The following INSL6 variants were observed in gnomAD, a reference collection of about 807,000 sequenced individuals.
INSL6 encodes the protein insulin like 6.
Under a neutral mutation model 9.4 loss-of-function variants are expected in INSL6, and 16 were observed. The ratio of observed to expected loss-of-function variants is 1.70; its 90% CI spans 1.15 to 2.59. The LOEUF is 2.59. INSL6 is among the 30% of genes most tolerant of loss of function. INSL6 has a pLI of 0.00. For synonymous variants in INSL6, 154 were observed against 96.9 expected (o/e 1.59, Z -3.46); for missense variants, 391 against 257.3 (o/e 1.52, Z -3.56).
At chr9:5,134,029 C>A (rs568414727) in intron 2 of INSL6, among the ~76,000 whole-genome samples, 1 of 152,068 alleles carries the variant, frequency 6.6e-6, no homozygotes, top group Admixed American at 6.6e-5. Context: ...AAAAACAGCA[C>A]GAGAACTTCA....
the INSL6 span, among the ~76,000 whole-genome samples, chr9:5,057,424 C>A: frequency 2.0e-5 from 3 of 151,908 alleles, no homozygotes; most frequent in African/African-American, 7.2e-5. Flanking sequence ...AGCATCTTAA[C>A]CATTTTTAAG....
At chr9:5,039,579 AT>A in the INSL6 span, among the ~76,000 whole-genome samples, 1 of 152,154 alleles carries the variant, frequency 6.6e-6, no homozygotes, top group East Asian at 1.9e-4. Context: ...GATCTTGCAT[AT>A]TAAAAATCCT....
chr9:5,044,793 A>G, the INSL6 span, among the ~76,000 whole-genome samples: 6 of 152,184 alleles, frequency 3.9e-5, no homozygotes, highest in East Asian at 1.9e-4. Context: ...GGATTTCGCA[A>G]AGTATAGACT....
chr9:5,018,085 A>G, the INSL6 span, among the ~76,000 whole-genome samples: 40 of 152,122 alleles, frequency 2.6e-4, no homozygotes, highest in Non-Finnish European at 5.0e-4. Context: ...AGTTTAATCT[A>G]TTTACATTCA....
the INSL6 span, among the ~76,000 whole-genome samples, chr9:5,062,500 TAAAAAAAAAAAAAAAAA>T: frequency 0.4 from 23,548 of 59,160 alleles, 2,575 homozygotes; most frequent in Middle Eastern, 0.49. Flanking sequence ...CTTCCATTTG[TAAAAAAAAAAAAAAAAA>T]AAAAAAAAAA....
the INSL6 span, among the ~76,000 whole-genome samples, chr9:4,999,016 G>T: frequency 6.6e-6 from 1 of 151,638 alleles, no homozygotes; most frequent in East Asian, 1.9e-4. Context: ...CAGTAGAGAC[G>T]GGGTTTCACC....
chr9:5,075,438 T>C, the INSL6 span, among the ~76,000 whole-genome samples: 1 of 152,200 alleles, frequency 6.6e-6, no homozygotes, highest in Non-Finnish European at 1.5e-5. Context: ...CATTGGTGAT[T>C]TGAAATTCAA....
the INSL6 span, among the ~76,000 whole-genome samples, chr9:5,115,209 A>G: frequency 6.6e-6 from 1 of 152,180 alleles, no homozygotes; most frequent in African/African-American, 2.4e-5. Context: ...AACTTAAACA[A>G]GTTCACAAGA....
At chr9:5,060,251 T>G in the INSL6 span, among the ~76,000 whole-genome samples, 26 of 152,332 alleles carry the variant, frequency 1.7e-4, no homozygotes, top group African/African-American at 6.0e-4. Context: ...CCGATCAGTG[T>G]GGTGGCTGCT....
At position 5,133,158 on chromosome 9, in the gene INSL6, A is replaced by G. The variant is rs562392254; in HGVS notation, c.*10+267T>C. ...AGTACATAAACAGATATGCAGTGATATTAGAGTGTCATGGTAGAGGAAATT... is the reference window on the plus strand; with the variant it reads ...AGTACATAAACAGATATGCAGTGATGTTAGAGTGTCATGGTAGAGGAAATT... On this transcript the variant is annotated intron_variant, in intron 3 of 3. Coordinates refer to the INSL6 transcript ENST00000649639. 8.5e-5 allele frequency among the ~76,000 whole-genome samples: 13 copies of G among 152,248 alleles called. No individual in the cohort carries two copies. The East Asian group carries it at 1.7e-3, about 20-fold the overall frequency.
chr9:5,108,854 C>T, the INSL6 span: 13 of 152,102 alleles, frequency 8.5e-5, no homozygotes, highest in Admixed American at 7.2e-4. Context: ...TTACAGGTGC[C>T]GTCACCCTTA....
At chr9:5,178,617 G>A (rs1159303874) in intron 1 of INSL6, among the ~76,000 whole-genome samples, 1 of 152,150 alleles carries the variant, frequency 6.6e-6, no homozygotes, top group Non-Finnish European at 1.5e-5. Context: ...ATACTACAAG[G>A]CTACAGTAAC....
chr9:5,037,393 A>C, the INSL6 span, among the ~76,000 whole-genome samples: 33,961 of 151,846 alleles, frequency 0.22, 4,354 homozygotes, highest in South Asian at 0.31. Context: ...TGCTGCTATA[A>C]AGACACATGC....
downstream of INSL6, among the ~76,000 whole-genome samples, chr9:5,160,551 A>G (rs1446735970): frequency 6.6e-6 from 1 of 152,168 alleles, no homozygotes; most frequent in Non-Finnish European, 1.5e-5. Flanking sequence ...CTAGAAAAGC[A>G]AGAGCAAGCC....
At chr9:5,000,005 C>A in the INSL6 span, among the ~76,000 whole-genome samples, 17 of 152,156 alleles carry the variant, frequency 1.1e-4, no homozygotes, top group African/African-American at 4.1e-4. Context: ...GAAACAATAT[C>A]TCATTTTTAT....
At chr9:5,041,398 C>A in the INSL6 span, 1 of 627,916 alleles carries the variant, frequency 1.6e-6, no homozygotes, top group East Asian at 3.1e-5. Context: ...GCCACTGCAA[C>A]AACCTGGAGG....
At chr9:5,108,778 C>G in the INSL6 span, 1 of 152,086 alleles carries the variant, frequency 6.6e-6, no homozygotes, top group Non-Finnish European at 1.5e-5. Flanking sequence ...TCAGTTATTG[C>G]CTACTCCTCT....
the INSL6 span, among the ~76,000 whole-genome samples, chr9:5,105,811 A>G: frequency 6.6e-6 from 1 of 152,196 alleles, no homozygotes; most frequent in African/African-American, 2.4e-5. Flanking sequence ...AAGAAATGGG[A>G]AAAGGATTCC....
the INSL6 span, among the ~76,000 whole-genome samples, chr9:5,037,123 C>T: frequency 6.6e-6 from 1 of 152,150 alleles, no homozygotes; most frequent in East Asian, 1.9e-4. Flanking sequence ...TCACCACTGG[C>T]CATCAGAGAA....
Sources: allele counts gnomAD v4.1 joint callset (sites outside exome capture counted in the v4.1 genomes callset), GRCh38; gene constraint gnomAD v4.1.1; transcripts MANE v1.5; gene names NCBI Gene and HGNC (gene_info 2026-07-23, HGNC 2026-07-21).